The following CDH2 variants were observed in gnomAD, a reference collection of about 807,000 sequenced individuals.
CDH2 encodes the protein cadherin-2.
In CDH2, 17 loss-of-function variants were observed where a neutral mutation model predicts 92.0. The observed-to-expected ratio is 0.18, with a 90% CI of 0.13 to 0.28. The LOEUF is 0.28. CDH2 is among the 10% of genes least tolerant of loss of function. The probability of loss-of-function intolerance (pLI) is 1.00; values close to 1 mark genes in which losing one functional copy is unlikely to be tolerated. For synonymous variants in CDH2, 419 were observed against 415.9 expected, an observed-to-expected ratio of 1.01 and a Z score of -0.09; for missense variants, 862 against 1,133.1, an observed-to-expected ratio of 0.76 and a Z score of 3.44.
intron 2 of CDH2, among the ~76,000 whole-genome samples, chr18:28,052,782 T>C (rs907133869): frequency 2.0e-5 from 3 of 152,112 alleles, no homozygotes; most frequent in Admixed American, 6.5e-5. Flanking sequence ...TTTTATACAG[T>C]TTAAAAATTA....
At chr18:28,050,253 T>A (rs879802590) in intron 2 of CDH2, among the ~76,000 whole-genome samples, 5 of 152,234 alleles carry the variant, frequency 3.3e-5, no homozygotes, top group African/African-American at 4.8e-5. Context: ...AGCCCATTTT[T>A]AATTAAATGG....
intron 1 of CDH2, among the ~76,000 whole-genome samples, chr18:28,157,519 A>G (rs1025933553): frequency 6.6e-5 from 10 of 152,186 alleles, no homozygotes; most frequent in African/African-American, 2.4e-4. Context: ...TAGTTAGTCA[A>G]TTTAGGGACA....
chr18:28,168,227 G>A (rs1235014275), intron 1 of CDH2, among the ~76,000 whole-genome samples: 2 of 152,046 alleles, frequency 1.3e-5, no homozygotes, highest in Non-Finnish European at 2.9e-5. Context: ...CAAGTTACAA[G>A]TAAAATAGTT....
At chr18:27,978,209 C>G (rs760920754) in intron 14 of CDH2, among the ~76,000 whole-genome samples, 1 of 151,726 alleles carries the variant, frequency 6.6e-6, no homozygotes, top group Non-Finnish European at 1.5e-5. Context: ...GTTTATTTTT[C>G]TTAAAGAAAA....
intron 2 of CDH2, among the ~76,000 whole-genome samples, chr18:28,049,310 C>T (rs748714250): frequency 3.9e-5 from 6 of 152,156 alleles, no homozygotes; most frequent in Non-Finnish European, 7.3e-5. Flanking sequence ...GTACTATGTG[C>T]GCCAAAATAA....
At chr18:28,050,375 C>G (rs933238774) in intron 2 of CDH2, among the ~76,000 whole-genome samples, 1 of 152,162 alleles carries the variant, frequency 6.6e-6, no homozygotes, top group African/African-American at 2.4e-5. Flanking sequence ...TCTGACTCTT[C>G]TACACCCACA....
At chr18:28,064,900 C>T (rs2014476940) in intron 2 of CDH2, among the ~76,000 whole-genome samples, 1 of 152,072 alleles carries the variant, frequency 6.6e-6, no homozygotes, top group Non-Finnish European at 1.5e-5. Context: ...TACTCAGGGC[C>T]TGAAAGTGAG....
chr18:28,175,489 C>A (rs1335640583), intron 1 of CDH2, among the ~76,000 whole-genome samples: 1 of 152,192 alleles, frequency 6.6e-6, no homozygotes, highest in Non-Finnish European at 1.5e-5. Context: ...CAGGGACAGG[C>A]GTGCCGCACC....
At chr18:28,055,166 A>T (rs148622616) in intron 2 of CDH2, among the ~76,000 whole-genome samples, 236 of 152,318 alleles carry the variant, frequency 1.5e-3, no homozygotes, top group Admixed American at 2.9e-3. Flanking sequence ...GGGGCAGACA[A>T]GAATGAGAGC....
intron 2 of CDH2, among the ~76,000 whole-genome samples, chr18:28,083,462 T>C (rs1234486519): frequency 6.6e-6 from 1 of 152,186 alleles, no homozygotes; most frequent in Non-Finnish European, 1.5e-5. Context: ...TGAAGTACAA[T>C]TTAATTAATT....
chr18:27,981,630 G>C (rs565200548), intron 14 of CDH2, among the ~76,000 whole-genome samples: 4 of 152,216 alleles, frequency 2.6e-5, no homozygotes, highest in African/African-American at 9.6e-5. Flanking sequence ...ACTCTAAGGG[G>C]CTGCCACAAA....
At chr18:27,991,963 A>T (rs1253040983) in intron 9 of CDH2, among the ~76,000 whole-genome samples, 5 of 152,200 alleles carry the variant, frequency 3.3e-5, no homozygotes. Flanking sequence ...CGCATTTATT[A>T]TTCTTGAAGA....
At chr18:28,018,752 G>C (rs985401032) in intron 2 of CDH2, among the ~76,000 whole-genome samples, 1 of 151,868 alleles carries the variant, frequency 6.6e-6, no homozygotes, top group Non-Finnish European at 1.5e-5. Context: ...CTATGAAAAG[G>C]AGTGTGGTAA....
chr18:28,039,337 T>C (rs11564411), intron 2 of CDH2, among the ~76,000 whole-genome samples: 4,397 of 152,192 alleles, frequency 0.029, 96 homozygotes, highest in African/African-American at 0.052. Flanking sequence ...GGAACTCTGA[T>C]TGGCTGGCTG....
At chr18:28,065,125 G>A (rs2014481873) in intron 2 of CDH2, among the ~76,000 whole-genome samples, 1 of 152,134 alleles carries the variant, frequency 6.6e-6, no homozygotes, top group Non-Finnish European at 1.5e-5. Context: ...AACTATCCCA[G>A]TTTGTAGCTC....
chr18:28,174,111 T>C (rs985990972), intron 1 of CDH2, among the ~76,000 whole-genome samples: 2 of 152,178 alleles, frequency 1.3e-5, no homozygotes, highest in African/African-American at 2.4e-5. Context: ...ACACTTCAGT[T>C]AACAATTCAA....
At chr18:28,098,138 A>G (rs2015166877) in intron 2 of CDH2, among the ~76,000 whole-genome samples, 1 of 152,214 alleles carries the variant, frequency 6.6e-6, no homozygotes, top group Non-Finnish European at 1.5e-5. Context: ...TAAATGGTCT[A>G]TAAAAGAGCT....
chr18:28,108,169 G>T (rs1398862755), intron 2 of CDH2, among the ~76,000 whole-genome samples: 2 of 152,084 alleles, frequency 1.3e-5, no homozygotes, highest in Admixed American at 1.3e-4. Context: ...ACAGATAGGT[G>T]TTGAGAGGGC....
At chr18:28,115,571 G>C (rs2015483251) in intron 2 of CDH2, among the ~76,000 whole-genome samples, 1 of 152,126 alleles carries the variant, frequency 6.6e-6, no homozygotes, top group Admixed American at 6.6e-5. Context: ...AGGGCCCCCA[G>C]CTACACAATC....
Sources: allele counts gnomAD v4.1 joint callset (sites outside exome capture counted in the v4.1 genomes callset), GRCh38; gene constraint gnomAD v4.1.1; transcripts MANE v1.5; gene names NCBI Gene and HGNC (gene_info 2026-07-23, HGNC 2026-07-21).